Variants in PIWIL2 observed in about 807,000 individuals in gnomAD.
PIWIL2 encodes the protein piwi like RNA-mediated gene silencing 2.
In PIWIL2, 81 loss-of-function variants were observed where a neutral mutation model predicts 116.5. That is an observed-to-expected ratio of 0.70 (90% confidence interval 0.58 to 0.84). The LOEUF (loss-of-function observed/expected upper bound fraction) is 0.84, where lower values mean the gene tolerates loss of function less well. Among genes scored for constraint, PIWIL2 ranks in the 40% least tolerant of loss-of-function variants. PIWIL2 has a pLI of 0.00. For missense variants in PIWIL2, 1,272 were observed against 1,212.3 expected (o/e 1.05, Z -0.73); for synonymous variants, 489 against 429.5 (o/e 1.14, Z -1.71).
At chr8:22,283,575 A>T (rs1830562849) in intron 5 of PIWIL2, among the ~76,000 whole-genome samples, 1 of 151,842 alleles carries the variant, frequency 6.6e-6, no homozygotes, top group Admixed American at 6.6e-5. Flanking sequence ...CCCCCACCTA[A>T]TTTTTTTGTA....
At chr8:22,312,821 T>G (rs1407123980) in intron 16 of PIWIL2, among the ~76,000 whole-genome samples, 1 of 152,124 alleles carries the variant, frequency 6.6e-6, no homozygotes, top group African/African-American at 2.4e-5. Flanking sequence ...TTAAATTTTT[T>G]GTAGAGATGG....
chr8:22,331,741 G>C (rs949527565), intron 20 of PIWIL2, among the ~76,000 whole-genome samples: 2 of 152,102 alleles, frequency 1.3e-5, no homozygotes, highest in African/African-American at 4.8e-5. Context: ...AGAATTGGCA[G>C]AGTCGGTTTC....
chr8:22,289,460 T>C (rs1830707034), intron 8 of PIWIL2, among the ~76,000 whole-genome samples: 1 of 152,208 alleles, frequency 6.6e-6, no homozygotes, highest in Admixed American at 6.5e-5. Context: ...CCATGGAACC[T>C]AATTTCTACC....
At chr8:22,298,074 T>C (rs1830954390) in intron 10 of PIWIL2, among the ~76,000 whole-genome samples, 1 of 152,020 alleles carries the variant, frequency 6.6e-6, no homozygotes, top group Non-Finnish European at 1.5e-5. Flanking sequence ...CTGGGCAACA[T>C]GGCAAAATCC....
chr8:22,329,283 T>C (rs1638272351), intron 20 of PIWIL2, among the ~76,000 whole-genome samples: 1 of 152,192 alleles, frequency 6.6e-6, no homozygotes, highest in Non-Finnish European at 1.5e-5. Context: ...TGCATTGCTG[T>C]AACAAGATAC....
At chr8:22,313,489 C>A (rs186833020) in intron 16 of PIWIL2, among the ~76,000 whole-genome samples, 1 of 152,172 alleles carries the variant, frequency 6.6e-6, no homozygotes, top group Non-Finnish European at 1.5e-5. Context: ...CCTGAAAAAA[C>A]GCACCTGTTT....
intron 1 of PIWIL2, among the ~76,000 whole-genome samples, chr8:22,278,137 C>T (rs980256552): frequency 2.6e-5 from 4 of 151,946 alleles, no homozygotes; most frequent in East Asian, 3.9e-4. Context: ...CATTGCACTC[C>T]AGCCTTGGCA....
intron 20 of PIWIL2, among the ~76,000 whole-genome samples, chr8:22,339,364 T>G (rs892103914): frequency 2.3e-4 from 35 of 151,948 alleles, no homozygotes; most frequent in African/African-American, 8.2e-4. Context: ...AAAAATTAGC[T>G]GGGCGTGGTG....
At chr8:22,332,951 A>G (rs528155433) in intron 20 of PIWIL2, among the ~76,000 whole-genome samples, 1 of 152,294 alleles carries the variant, frequency 6.6e-6, no homozygotes, top group African/African-American at 2.4e-5. Context: ...TATTCCATCT[A>G]AAACAAGAAA....
chr8:22,295,944 A>G (rs1200162404), intron 10 of PIWIL2, among the ~76,000 whole-genome samples: 2 of 150,992 alleles, frequency 1.3e-5, no homozygotes, highest in Admixed American at 1.3e-4. Context: ...GTCTGTTAGA[A>G]TCTGATCGGC....
intron 10 of PIWIL2, among the ~76,000 whole-genome samples, chr8:22,300,074 C>T (rs959214118): frequency 6.6e-5 from 10 of 152,014 alleles, no homozygotes; most frequent in African/African-American, 2.4e-4. Context: ...TTACAGGTGC[C>T]TGCCACCACG....
intron 20 of PIWIL2, among the ~76,000 whole-genome samples, chr8:22,343,097 TCTCTAC>T (rs1563425096): frequency 6.6e-6 from 1 of 151,640 alleles, no homozygotes; most frequent in Non-Finnish European, 1.5e-5. Flanking sequence ...TGAAACCCCG[TCTCTAC>T]TAAAAATACA....
At chr8:22,320,388 C>G (rs1429980691) in intron 20 of PIWIL2, among the ~76,000 whole-genome samples, 1 of 151,656 alleles carries the variant, frequency 6.6e-6, no homozygotes, top group Admixed American at 6.6e-5. Context: ...CTGCCTCAGC[C>G]TCCCGAGTAG....
intron 20 of PIWIL2, among the ~76,000 whole-genome samples, chr8:22,329,958 G>A (rs1831819244): frequency 6.6e-6 from 1 of 152,102 alleles, no homozygotes; most frequent in African/African-American, 2.4e-5. Context: ...CTTAGGCTTT[G>A]GGGATGTGTC....
intron 20 of PIWIL2, among the ~76,000 whole-genome samples, chr8:22,329,636 A>G (rs1831812061): frequency 6.6e-6 from 1 of 152,234 alleles, no homozygotes; most frequent in Non-Finnish European, 1.5e-5. Context: ...CCCCACCTCC[A>G]GTATTGGGAA....
chr8:22,298,947 T>C (rs1016086742), intron 10 of PIWIL2, among the ~76,000 whole-genome samples: 1 of 152,164 alleles, frequency 6.6e-6, no homozygotes, highest in Non-Finnish European at 1.5e-5. Context: ...ATTAGTTGGC[T>C]TGCAAAAGTG....
chr8:22,324,833 A>G (rs193062178), intron 20 of PIWIL2, among the ~76,000 whole-genome samples: 1 of 152,332 alleles, frequency 6.6e-6, no homozygotes, highest in Non-Finnish European at 1.5e-5. Context: ...CATAGACGGA[A>G]AATAATCTGA....
At chr8:22,333,264 A>G (rs1831902975) in intron 20 of PIWIL2, among the ~76,000 whole-genome samples, 1 of 152,194 alleles carries the variant, frequency 6.6e-6, no homozygotes, top group Non-Finnish European at 1.5e-5. Flanking sequence ...AGCAATACCT[A>G]AGTCTTGAAA....
intron 10 of PIWIL2, among the ~76,000 whole-genome samples, chr8:22,296,952 C>G (rs533295940): frequency 5.3e-5 from 8 of 151,882 alleles, no homozygotes; most frequent in Admixed American, 3.9e-4. Context: ...TCTTTTCGCC[C>G]TTTGAGAAAT....
Sources: gnomAD v4.1 joint callset for allele counts (sites outside exome capture counted in the v4.1 genomes callset) on GRCh38, gnomAD v4.1.1 for gene constraint, MANE v1.5 for transcripts, NCBI Gene and HGNC (gene_info 2026-07-23, HGNC 2026-07-21) for gene names.